Variants in UNC5C observed in about 807,000 individuals in gnomAD.
The protein encoded by UNC5C is netrin receptor UNC5C.
A neutral mutation model predicts 99.8 loss-of-function variants in UNC5C; 47 were observed. The ratio of observed to expected loss-of-function variants is 0.47; its 90% confidence interval spans 0.37 to 0.60. UNC5C has a LOEUF of 0.60. Ranked by LOEUF, UNC5C falls within the 20% of genes least tolerant of loss-of-function variation. UNC5C has a pLI of 0.00. For synonymous variants in UNC5C, 487 were observed against 452.2 expected, an observed-to-expected ratio of 1.08 and a Z score of -0.98; for missense variants, 1,062 against 1,165.9, an observed-to-expected ratio of 0.91 and a Z score of 1.30.
At chr4:95,500,853 C>T (rs1721758550) in intron 1 of UNC5C, among the ~76,000 whole-genome samples, 1 of 152,070 alleles carries the variant, frequency 6.6e-6, no homozygotes, top group South Asian at 2.1e-4. Context: ...ACTGATATCA[C>T]CTTGATTGGG....
intron 1 of UNC5C, among the ~76,000 whole-genome samples, chr4:95,447,717 T>A (rs1316906491): frequency 6.6e-6 from 1 of 152,166 alleles, no homozygotes; most frequent in Non-Finnish European, 1.5e-5. Context: ...GCCAGGCTGG[T>A]CTCAAACTCG....
intron 1 of UNC5C, among the ~76,000 whole-genome samples, chr4:95,461,627 C>T (rs950913933): frequency 2.0e-5 from 3 of 152,164 alleles, no homozygotes; most frequent in Non-Finnish European, 4.4e-5. Context: ...GTTTCTGTTA[C>T]ATTATCCTTA....
intron 1 of UNC5C, among the ~76,000 whole-genome samples, chr4:95,527,484 T>A (rs1722528861): frequency 6.6e-6 from 1 of 152,120 alleles, no homozygotes; most frequent in South Asian, 2.1e-4. Context: ...AAACTTGAGT[T>A]TTTTTAAATA....
At chr4:95,477,305 T>C (rs978486061) in intron 1 of UNC5C, among the ~76,000 whole-genome samples, 41 of 152,028 alleles carry the variant, frequency 2.7e-4, no homozygotes, top group South Asian at 4.1e-4. Context: ...TTAAACTATA[T>C]GAAATGATCA....
chr4:95,407,409 GCA>G (rs1384311452), intron 1 of UNC5C, among the ~76,000 whole-genome samples: 1 of 152,006 alleles, frequency 6.6e-6, no homozygotes, highest in Admixed American at 6.6e-5. Context: ...GAGGGTAGAG[GCA>G]GGGCAGTGGG....
At chr4:95,493,734 A>T (rs546162363) in intron 1 of UNC5C, among the ~76,000 whole-genome samples, 38 of 151,536 alleles carry the variant, frequency 2.5e-4, no homozygotes, top group African/African-American at 8.7e-4. Context: ...AATTTAAGAA[A>T]TACTGACAAA....
intron 4 of UNC5C, among the ~76,000 whole-genome samples, chr4:95,259,710 CATT>C (rs1369445657): frequency 6.6e-6 from 1 of 151,706 alleles, no homozygotes; most frequent in Non-Finnish European, 1.5e-5. Context: ...TATAAGAAAA[CATT>C]ATCAGTTTTA....
chr4:95,422,167 T>G (rs114780701), intron 1 of UNC5C, among the ~76,000 whole-genome samples: 6 of 152,220 alleles, frequency 3.9e-5, no homozygotes, highest in Admixed American at 3.9e-4. Context: ...CTCGTTTAGG[T>G]AGGCACACAT....
chr4:95,215,233 C>G (rs1560736263), intron 10 of UNC5C, among the ~76,000 whole-genome samples: 1 of 152,208 alleles, frequency 6.6e-6, no homozygotes, highest in Admixed American at 6.5e-5. Flanking sequence ...CATTGTCACT[C>G]ATGCTTTATA....
intron 1 of UNC5C, among the ~76,000 whole-genome samples, chr4:95,407,364 G>A (rs1265136619): frequency 6.6e-6 from 1 of 152,032 alleles, no homozygotes; most frequent in African/African-American, 2.4e-5. Flanking sequence ...TGGGATGTGA[G>A]GAATTTCAAG....
chr4:95,321,406 CAGA>C (rs1473342910), intron 2 of UNC5C, among the ~76,000 whole-genome samples: 1 of 152,160 alleles, frequency 6.6e-6, no homozygotes, highest in Non-Finnish European at 1.5e-5. Flanking sequence ...CGTTTATACG[CAGA>C]AGGTGAGCCC....
intron 7 of UNC5C, among the ~76,000 whole-genome samples, chr4:95,239,443 T>C (rs537349932): frequency 6.6e-6 from 1 of 152,222 alleles, no homozygotes; most frequent in African/African-American, 2.4e-5. Flanking sequence ...TTCTTTAGGG[T>C]TCTTATTTCC....
chr4:95,399,977 T>C (rs762131018), intron 1 of UNC5C, among the ~76,000 whole-genome samples: 2 of 152,184 alleles, frequency 1.3e-5, no homozygotes, highest in African/African-American at 4.8e-5. Flanking sequence ...CCTTCATATA[T>C]TCACAGGAAT....
At chr4:95,263,371 C>G (rs2149387629) in intron 4 of UNC5C, among the ~76,000 whole-genome samples, 1 of 152,036 alleles carries the variant, frequency 6.6e-6, no homozygotes. Flanking sequence ...GATATGCTAG[C>G]AAAAATTTTA....
intron 2 of UNC5C, among the ~76,000 whole-genome samples, chr4:95,328,801 A>G (rs1431402910): frequency 1.3e-5 from 2 of 152,138 alleles, no homozygotes; most frequent in Admixed American, 1.3e-4. Context: ...TTGATTTATG[A>G]TACCAAAGCC....
rs752203313 is a variant in UNC5C, at chr4:95,209,541, C to T, written c.1734-2745G>A. On this transcript the variant is annotated intron_variant, in intron 10 of 15. Transcript: ENST00000453304. ...ACTTTTAGTCTTTTAATAGCATTTC[C>T]GTTCTCTTTAAATAACAATACCCTT... Among the ~76,000 whole-genome samples, 6 of 152,104 alleles carry T rather than the reference C, an allele frequency of 3.9e-5. No individual in the cohort carries two copies. The South Asian group carries it at 6.2e-4, about 16-fold the overall frequency.
intron 9 of UNC5C, among the ~76,000 whole-genome samples, chr4:95,217,937 AAAT>A (rs1354645603): frequency 1.3e-5 from 2 of 152,206 alleles, no homozygotes; most frequent in Non-Finnish European, 2.9e-5. Flanking sequence ...GTGAAGAAAA[AAAT>A]ATTTTATTAA....
intron 1 of UNC5C, among the ~76,000 whole-genome samples, chr4:95,338,844 T>C (rs1303332673): frequency 6.6e-6 from 1 of 152,066 alleles, no homozygotes; most frequent in African/African-American, 2.4e-5. Context: ...TAGAAATATC[T>C]ACAAACAGGA....
At chr4:95,450,649 C>T (rs938262616) in intron 1 of UNC5C, among the ~76,000 whole-genome samples, 1 of 152,190 alleles carries the variant, frequency 6.6e-6, no homozygotes, top group Non-Finnish European at 1.5e-5. Context: ...ATTAGTAATG[C>T]TGCTTAAATA....
Sources: gnomAD v4.1 joint callset for allele counts (sites outside exome capture counted in the v4.1 genomes callset) on GRCh38, gnomAD v4.1.1 for gene constraint, MANE v1.5 for transcripts, NCBI Gene and HGNC (gene_info 2026-07-23, HGNC 2026-07-21) for gene names.